Variants in BUB1B observed in about 807,000 individuals in gnomAD.
BUB1B encodes mitotic checkpoint serine/threonine-protein kinase BUB1 beta.
Under a neutral mutation model 137.7 loss-of-function variants are expected in BUB1B, and 86 were observed. The observed-to-expected ratio is 0.62, with a 90% CI of 0.52 to 0.75. The LOEUF (loss-of-function observed/expected upper bound fraction) is 0.75, where lower values mean the gene tolerates loss of function less well. BUB1B is among the 30% of genes least tolerant of loss of function. BUB1B has a pLI of 0.00. For missense variants in BUB1B, 1,130 were observed against 1,236.9 expected (o/e 0.91, Z 1.30); for synonymous variants, 420 against 417.9 (o/e 1.00, Z -0.06).
In BUB1B at chr15:40,213,557, C is replaced by T. The variant is rs541658817; in HGVS notation, c.2678+83C>T. 133 of 1,480,652 alleles carry T rather than the reference C, an allele frequency of 9.0e-5. No individual in the cohort carries two copies. The South Asian group carries it at 1.3e-3, about 15-fold the overall frequency. 91.7% of individuals were successfully genotyped at this position (1,480,652 alleles called of 1,614,324 possible). A position where few individuals can be genotyped will look rare whatever the true frequency, so the allele number is the denominator to read the frequency against. On this transcript the variant is annotated intron_variant, in intron 20 of 22. Transcript: ENST00000287598. ...CCACTTTTTTTTTTCTTTTTTGAGG[C>T]GAGGGTCTCACTCTGTCACCTAGGT...
At chr15:40,199,070 G>C (rs867420895) in intron 9 of BUB1B, among the ~76,000 whole-genome samples, 3 of 152,128 alleles carry the variant, frequency 2.0e-5, no homozygotes, top group African/African-American at 7.2e-5. Flanking sequence ...TGGGGCCTTT[G>C]TGCCACCTAG....
chr15:40,164,489 A>G (rs772360621), intron 1 of BUB1B, among the ~76,000 whole-genome samples: 1 of 152,026 alleles, frequency 6.6e-6, no homozygotes, highest in Admixed American at 6.5e-5. Context: ...CAGCCTCCCA[A>G]AGTGGTAGGA....
chr15:40,217,457 C>A lies in BUB1B; in HGVS notation c.2679-39C>A, dbSNP rs939055098. On this transcript the variant is annotated intron_variant, in intron 20 of 22. Transcript: ENST00000287598. ...ACCAGCTATGCAGCTTCTTTCATGG[C>A]CTATTTTTATTATCTCCTTCTCTTA... The A allele has an allele frequency of 1.5e-5, 24 of 1,603,208 alleles. No individual in the cohort carries two copies. In the Middle Eastern group the frequency reaches 5.0e-4, roughly 33 times the overall value.
intron 22 of BUB1B, among the ~76,000 whole-genome samples, chr15:40,219,616 A>G (rs1409135541): frequency 2.0e-5 from 3 of 152,192 alleles, no homozygotes; most frequent in Non-Finnish European, 4.4e-5. Context: ...GCTACTTGGG[A>G]AGCTGAGGCA....
At chr15:40,207,245 C>T (rs531315539) in intron 15 of BUB1B, among the ~76,000 whole-genome samples, 2 of 152,318 alleles carry the variant, frequency 1.3e-5, no homozygotes, top group South Asian at 4.1e-4. Flanking sequence ...TGTTTTAGGT[C>T]AGCTAATTTA....
chr15:40,172,736 G>A (rs1446114375), intron 4 of BUB1B, among the ~76,000 whole-genome samples: 1 of 152,094 alleles, frequency 6.6e-6, no homozygotes, highest in Non-Finnish European at 1.5e-5. Flanking sequence ...AGAAAATTAG[G>A]TAAATCCTGA....
rs147549987 is a variant in BUB1B, at chr15:40,161,230, G to A, written c.10G>A (p.Val4Met). 500 of 1,613,460 alleles carry A rather than the reference G, an allele frequency of 3.1e-4. 1 individual carries two copies. The African/African-American group carries it at 6.3e-3, about 20-fold the overall frequency. The change falls in exon 1 of 23, where the codon GTG becomes ATG. Residue 4 changes from valine (V) to methionine (M), a missense_variant. By Grantham distance (21) the Val-to-Met change is conservative. Coordinates refer to ENST00000287598, the MANE Select transcript of BUB1B (RefSeq NM_001211.6). ...GAGCCAGGAATGCAGGATGGCGGCG[G>A]TGAAGAAGGAAGGGGGTGCTCTGAG... MAA[V>M]KKEGGALSEA...
intron 9 of BUB1B, among the ~76,000 whole-genome samples, chr15:40,197,924 T>C (rs1227805100): frequency 6.6e-6 from 1 of 152,008 alleles, no homozygotes; most frequent in Non-Finnish European, 1.5e-5. Context: ...TGGCCAAATA[T>C]GAACCAGAAA....
chr15:40,213,909 C>T (rs1210950275), intron 20 of BUB1B, among the ~76,000 whole-genome samples: 2 of 151,802 alleles, frequency 1.3e-5, no homozygotes, highest in African/African-American at 4.8e-5. Flanking sequence ...GAGTATTTAC[C>T]TAAAAGTCAA....
chr15:40,182,174 A>T (rs961402169), intron 5 of BUB1B, among the ~76,000 whole-genome samples: 1 of 152,268 alleles, frequency 6.6e-6, no homozygotes, highest in African/African-American at 2.4e-5. Context: ...ACTGTACTCC[A>T]GCTTGGGTGA....
intron 8 of BUB1B, among the ~76,000 whole-genome samples, chr15:40,186,443 T>TC (rs2037362437): frequency 7.5e-6 from 1 of 132,942 alleles, no homozygotes; most frequent in African/African-American, 2.9e-5. Context: ...TTTTTTTTTT[T>TC]TTTTTTTTTT....
intron 15 of BUB1B, 121 bp downstream of exon 15, chr15:40,206,579 C>CTT (rs2037640252): frequency 7.9e-7 from 1 of 1,272,418 alleles, no homozygotes; most frequent in Admixed American, 1.9e-5. Flanking sequence ...GTGCTAAGTG[C>CTT]TTTACATGAG....
chr15:40,212,347 T>C (rs546512213), intron 18 of BUB1B, 152 bp from the exon 19 acceptor site: 107 of 634,280 alleles, frequency 1.7e-4, no homozygotes, highest in Admixed American at 2.5e-4. Context: ...TTCCAGAATT[T>C]GTTGTTATTG....
intron 20 of BUB1B, among the ~76,000 whole-genome samples, chr15:40,214,286 G>T (rs1326792782): frequency 1.3e-5 from 2 of 152,174 alleles, no homozygotes; most frequent in Admixed American, 6.5e-5. Flanking sequence ...GGTTCAAGGG[G>T]TGAGCACAGA....
chr15:40,176,665 C>A lies in BUB1B; in HGVS notation c.573C>A (p.Ser191=), dbSNP rs138809057. The part of the protein sequence containing the change: ...QKAEPLERLQ[S]QHRQFQARVS... ...CTGAACCACTAGAAAGACTACAGTC[C>A]CAGCACCGGTAAACTTTCTTTGGAG... The change falls in exon 5 of 23, where the codon TCC becomes TCA. Residue 191 remains serine, a synonymous_variant. Transcript: ENST00000287598. 5.6e-4 allele frequency: 897 copies of A among 1,613,758 alleles called. 2 individuals carry two copies. The highest frequency in any genetic ancestry group is 2.5e-3 in the Middle Eastern group (15 of 6,082).
chr15:40,177,508 C>G (rs761216808), intron 5 of BUB1B, among the ~76,000 whole-genome samples: 1 of 151,986 alleles, frequency 6.6e-6, no homozygotes, highest in Non-Finnish European at 1.5e-5. Context: ...TGCCTTTATA[C>G]CTTGATTTTT....
Position 40,164,236 on chromosome 15 carries a change from G to GT in BUB1B, c.36-807dup, listed in dbSNP as rs372600478. On this transcript the variant is annotated intron_variant, in intron 1 of 22. Coordinates refer to ENST00000287598, the MANE Select transcript of BUB1B (RefSeq NM_001211.6). Reference sequence around the variant, plus strand: ...TCACCCACACTTTGCTAATTTTAATGTTTTTTTTTTGAGACAGGGTCTTGC... The same window carrying GT: ...TCACCCACACTTTGCTAATTTTAATGTTTTTTTTTTTGAGACAGGGTCTTGC... 1.0e-2 allele frequency among the ~76,000 whole-genome samples: 1,485 copies of GT among 149,136 alleles called. 15 individuals carry two copies. The highest frequency in any genetic ancestry group is 0.031 in the African/African-American group (1,271 of 40,700).
chr15:40,216,569 A>ATTT (rs1470119670), intron 20 of BUB1B, among the ~76,000 whole-genome samples: 6 of 56,304 alleles, frequency 1.1e-4, no homozygotes, highest in South Asian at 6.3e-4. Context: ...ATATATATAT[A>ATTT]TATTTTTTTT....
intron 19 of BUB1B, among the ~76,000 whole-genome samples, chr15:40,213,068 G>C (rs1484945163): frequency 6.7e-6 from 1 of 148,476 alleles, no homozygotes; most frequent in Non-Finnish European, 1.5e-5. Context: ...TGGAATGAGG[G>C]TATTTTAAAT....
Sources: gnomAD v4.1 joint callset for allele counts (sites outside exome capture counted in the v4.1 genomes callset) on GRCh38, gnomAD v4.1.1 for gene constraint, MANE v1.5 for transcripts, NCBI Gene and HGNC (gene_info 2026-07-23, HGNC 2026-07-21) for gene names.